Variants in NFIB observed in about 807,000 individuals in gnomAD.
NFIB encodes nuclear factor 1 B-type.
A neutral mutation model predicts 61.5 loss-of-function variants in NFIB; 11 were observed. The observed-to-expected ratio is 0.18, with a 90% CI of 0.11 to 0.30. The LOEUF is 0.30. Ranked by LOEUF, NFIB falls within the 10% of genes least tolerant of loss-of-function variation. NFIB has a pLI of 1.00. For synonymous variants in NFIB, 260 were observed against 216.5 expected, an observed-to-expected ratio of 1.20 and a Z score of -1.76; for missense variants, 471 against 608.9, an observed-to-expected ratio of 0.77 and a Z score of 2.38.
the NFIB span, among the ~76,000 whole-genome samples, chr9:14,490,603 TA>T: frequency 6.6e-6 from 1 of 151,686 alleles, no homozygotes; most frequent in African/African-American, 2.4e-5. Flanking sequence ...CACAACTCAA[TA>T]AAAAAAGACA....
chr9:14,464,393 G>A, the NFIB span, among the ~76,000 whole-genome samples: 29 of 152,300 alleles, frequency 1.9e-4, no homozygotes, highest in African/African-American at 6.7e-4. Flanking sequence ...GCTGTGTGTG[G>A]AAGGAGCCAG....
At chr9:14,274,570 C>T (rs1350341741) in intron 2 of NFIB, among the ~76,000 whole-genome samples, 1 of 152,098 alleles carries the variant, frequency 6.6e-6, no homozygotes, top group Admixed American at 6.6e-5. Flanking sequence ...CTTCACTCTT[C>T]CCCTTTTAGA....
intron 10 of NFIB, among the ~76,000 whole-genome samples, chr9:14,094,975 C>A (rs866890157): frequency 6.6e-6 from 1 of 151,992 alleles, no homozygotes. Context: ...ATAATAGCAT[C>A]TACCATTGAA....
At chr9:14,333,422 T>C (rs2060845345) in intron 1 of NFIB, among the ~76,000 whole-genome samples, 1 of 152,106 alleles carries the variant, frequency 6.6e-6, no homozygotes, top group Non-Finnish European at 1.5e-5. Flanking sequence ...TTCCTCATCC[T>C]CCCACTCAAC....
chr9:14,362,064 C>G (rs1176846297), intron 1 of NFIB: 2 of 152,206 alleles, frequency 1.3e-5, no homozygotes, highest in African/African-American at 4.8e-5. Flanking sequence ...GGCCTCTCTA[C>G]ATTAATTGTT....
chr9:14,271,904 G>A (rs1462756787), intron 2 of NFIB, among the ~76,000 whole-genome samples: 1 of 151,990 alleles, frequency 6.6e-6, no homozygotes, highest in Admixed American at 6.6e-5. Context: ...TTTGTCCCTA[G>A]GTACAAAAGA....
intron 10 of NFIB, among the ~76,000 whole-genome samples, chr9:14,108,030 T>C (rs531718600): frequency 6.6e-6 from 1 of 152,238 alleles, no homozygotes; most frequent in Non-Finnish European, 1.5e-5. Context: ...TGGAAGGATT[T>C]TTTGAATTTA....
At chr9:14,400,057 G>A (rs2061727812), upstream of NFIB, among the ~76,000 whole-genome samples, 1 of 151,620 alleles carries the variant, frequency 6.6e-6, no homozygotes, top group African/African-American at 2.4e-5. Context: ...TCACTAGTAA[G>A]TCCTGGACTT....
chr9:14,304,576 T>C (rs72700518), intron 2 of NFIB, among the ~76,000 whole-genome samples: 4,330 of 152,336 alleles, frequency 0.028, 72 homozygotes, highest in Middle Eastern at 0.037. Context: ...CCCAGTCATT[T>C]AGAAGTGGGG....
At chr9:14,372,136 A>C (rs371559044) in intron 1 of NFIB, among the ~76,000 whole-genome samples, 136 of 152,084 alleles carry the variant, frequency 8.9e-4, no homozygotes, top group African/African-American at 3.2e-3. Context: ...GTGGAGATAG[A>C]TATTTCCATA....
intron 3 of NFIB, among the ~76,000 whole-genome samples, chr9:14,178,224 G>C (rs1236615785): frequency 6.6e-6 from 1 of 151,868 alleles, no homozygotes; most frequent in East Asian, 1.9e-4. Flanking sequence ...GAAAATATCA[G>C]TTAATTAAAA....
At chr9:14,365,418 T>G (rs1047585328) in intron 1 of NFIB, among the ~76,000 whole-genome samples, 2 of 152,180 alleles carry the variant, frequency 1.3e-5, no homozygotes, top group African/African-American at 2.4e-5. Context: ...CACCACCAAG[T>G]GTGGCCAGAC....
At chr9:14,439,983 G>C in the NFIB span, among the ~76,000 whole-genome samples, 3 of 152,202 alleles carry the variant, frequency 2.0e-5, no homozygotes, top group African/African-American at 7.2e-5. Context: ...GGAAGGAGAG[G>C]GGGTGGCTGA....
At chr9:14,349,751 G>C (rs1157464867) in intron 1 of NFIB, among the ~76,000 whole-genome samples, 1 of 152,158 alleles carries the variant, frequency 6.6e-6, no homozygotes, top group Non-Finnish European at 1.5e-5. Context: ...AGGACTGATG[G>C]GCTATGCGGA....
intron 10 of NFIB, among the ~76,000 whole-genome samples, chr9:14,096,183 T>G (rs1234189949): frequency 6.6e-6 from 1 of 152,148 alleles, no homozygotes; most frequent in African/African-American, 2.4e-5. Context: ...AATATGGCAC[T>G]TTACATAAAA....
chr9:14,330,386 G>T (rs1215414646), intron 1 of NFIB, among the ~76,000 whole-genome samples: 2 of 152,054 alleles, frequency 1.3e-5, no homozygotes, highest in South Asian at 2.1e-4. Context: ...CATATTTTCC[G>T]ATCACTAAAT....
the NFIB span, among the ~76,000 whole-genome samples, chr9:14,471,765 C>T: frequency 6.6e-6 from 1 of 152,192 alleles, no homozygotes; most frequent in Non-Finnish European, 1.5e-5. Context: ...CTTTACCAAG[C>T]TAATTTGCGA....
At position 14,250,606 on chromosome 9, in the gene NFIB, T is replaced by C. The variant is rs557164191; in HGVS notation, c.562+56383A>G. 4.6e-5 allele frequency among the ~76,000 whole-genome samples: 7 copies of C among 152,346 alleles called. No homozygotes were observed. In the South Asian group the frequency reaches 1.2e-3, roughly 27 times the overall value. On this transcript the variant is annotated intron_variant, in intron 2 of 10. Transcript: ENST00000380953. ...AAGAACTTTGGTGTTCCCTTGCTTA[T>C]GTCATAGTTACCTAGAGAAAAGAGA...
intron 3 of NFIB, among the ~76,000 whole-genome samples, chr9:14,173,755 ATAATT>A (rs2045836573): frequency 6.6e-6 from 1 of 152,228 alleles, no homozygotes; most frequent in Non-Finnish European, 1.5e-5. Context: ...GGCAATTAAT[ATAATT>A]TGTTATCTGA....
Sources: allele counts gnomAD v4.1 joint callset (sites outside exome capture counted in the v4.1 genomes callset), GRCh38; gene constraint gnomAD v4.1.1; transcripts MANE v1.5; gene names NCBI Gene and HGNC (gene_info 2026-07-23, HGNC 2026-07-21).